HOXC9: variants seen among roughly 807,000 people sequenced by gnomAD.
The protein encoded by HOXC9 is homeobox protein Hox-C9.
HOXC9 carries 10 observed loss-of-function variants against 20.0 expected under a neutral mutation model. That is an observed-to-expected ratio of 0.50 (90% CI 0.31 to 0.85). HOXC9 has a LOEUF of 0.85. Among genes scored for constraint, HOXC9 ranks in the 40% least tolerant of loss-of-function variants. The pLI, the probability that HOXC9 is intolerant of heterozygous loss-of-function variation, is 0.05. For synonymous variants in HOXC9, 200 were observed against 163.7 expected (o/e 1.22, Z -1.69); for missense variants, 394 against 376.7 (o/e 1.05, Z -0.38).
rs781692385 is a variant in HOXC9 at position 54,002,463 on chromosome 12, C to T, written c.572C>T (p.Ser191Phe). Residue 191 changes from serine (S) to phenylalanine (F), a missense_variant, in exon 2 of 2, where the codon TCC (serine) becomes TTC (phenylalanine). Ser to Phe is a radical substitution (Grantham distance 155). Coordinates refer to ENST00000303450, the MANE Select transcript of HOXC9 (RefSeq NM_006897.3). Reference protein sequence around the residue: ...NPVANWIHARSTRKKRCPYTK... With the variant: ...NPVANWIHARFTRKKRCPYTK... ...GTGGCCAACTGGATTCACGCCCGCTCCACGAGGAAGAAGCGCTGCCCCTAC... is the reference window on the plus strand; with the variant it reads ...GTGGCCAACTGGATTCACGCCCGCTTCACGAGGAAGAAGCGCTGCCCCTAC... 1 of 1,614,084 alleles carries T rather than the reference C, an allele frequency of 6.2e-7. No homozygotes were observed. Among genetic ancestry groups the T allele is most frequent in the Admixed American group, 1.7e-5 (1 of 60,028 alleles).
intron 1 of HOXC9, among the ~76,000 whole-genome samples, chr12:54,001,268 T>G (rs1031549257): frequency 1.5e-4 from 23 of 151,966 alleles, no homozygotes; most frequent in African/African-American, 4.1e-4. Context: ...TTTCGAAGCC[T>G]GAGAACTTGG....
At position 54,000,354 on chromosome 12, in the gene HOXC9, G is replaced by C; in HGVS notation, c.166G>C (p.Ala56Pro). ...TAGCGATTTTCCGTCCTGTAGCTTC[G>C]CGCCCAAGCCGGCAGTGTTCAGCAC... is the stretch of plus-strand genomic sequence containing the variant. ...DCSDFPSCSF[A>P]PKPAVFSTSW... The change falls in exon 1 of 2, where the codon GCG becomes CCG. Residue 56 changes from alanine to proline, a missense_variant. Coordinates refer to ENST00000303450, the MANE Select transcript of HOXC9 (RefSeq NM_006897.3). The C allele has an allele frequency of 6.2e-7, 1 of 1,613,884 alleles. No homozygotes were observed. Among genetic ancestry groups the C allele is most frequent in the Non-Finnish European group, 8.5e-7 (1 of 1,180,018 alleles).
rs769856320 is a variant in HOXC9, at chr12:54,000,637, G to T, written c.449G>T (p.Arg150Leu). The change falls in exon 1 of 2, where the codon CGC becomes CTC. Residue 150 changes from arginine to leucine, a missense_variant. Arg to Leu is a moderately radical substitution (Grantham distance 102, BLOSUM62 -2). Coordinates refer to ENST00000303450, the MANE Select transcript of HOXC9 (RefSeq NM_006897.3). ...DYMYGSPGEL[R>L]DRAPQTLPSP... ...ATGTACGGCTCGCCCGGGGAGCTGC[G>T]CGACCGCGCCCCGCAGACACTGCCC... 4.5e-6 allele frequency: 7 copies of T among 1,543,310 alleles called. No individual in the cohort carries two copies. In the South Asian group the frequency reaches 7.1e-5, roughly 16 times the overall value.
In HOXC9 at chr12:54,002,960, T is replaced by C. The variant is rs1223043573; in HGVS notation, c.*286T>C. Reference sequence around the variant, plus strand: ...CAGCGCAACCGAAATAAATGACACATACAAATGTGATTTTTTTCCTCCTTT... The same window carrying C: ...CAGCGCAACCGAAATAAATGACACACACAAATGTGATTTTTTTCCTCCTTT... On this transcript the variant is annotated 3_prime_UTR_variant, in exon 2 of 2. Transcript: ENST00000303450. The C allele has an allele frequency of 3.6e-6, 1 of 274,846 alleles. No homozygotes were observed. Among genetic ancestry groups the C allele is most frequent in the African/African-American group, 2.2e-5 (1 of 45,602 alleles). The allele number at this position is 274,846 out of a possible 1,614,324, so 17.0% of individuals were successfully genotyped here.
rs1939775852 is a variant in HOXC9 at position 54,002,771 on chromosome 12, A to G, written c.*97A>G. 2.2e-6 allele frequency: 3 copies of G among 1,381,902 alleles called. No homozygotes were observed. The highest frequency in any genetic ancestry group is 2.3e-5 in the East Asian group (1 of 43,144). 85.6% of individuals were successfully genotyped at this position (1,381,902 alleles called of 1,614,324 possible). ...CGGGGGAGAGACGAAAAAGAAAAGG[A>G]AAGAGCAAGATAGACAAAAGCCAAT... On this transcript the variant is annotated 3_prime_UTR_variant, in exon 2 of 2. Coordinates refer to ENST00000303450, the MANE Select transcript of HOXC9 (RefSeq NM_006897.3).
rs902921330 is a variant in HOXC9 at position 54,000,831 on chromosome 12, A to AGAGGGGC, written c.538+112_538+118dup. ...TCCCGAACCGTGCAGGGAGCGCGGG[A>AGAGGGGC]GAGGGGCGAGGGGGCGAGGACTCAA... On this transcript the variant is annotated intron_variant, in intron 1 of 1. Coordinates refer to ENST00000303450, the MANE Select transcript of HOXC9 (RefSeq NM_006897.3). The AGAGGGGC allele has an allele frequency of 1.0e-5, 11 of 1,068,922 alleles. 1 individual carries two copies. In the African/African-American group the frequency reaches 1.2e-4, roughly 11 times the overall value. 66.2% of individuals were successfully genotyped at this position (1,068,922 alleles called of 1,614,324 possible). A position where few individuals can be genotyped will look rare whatever the true frequency, so the allele number is the denominator to read the frequency against.
rs1023157282 is a variant in HOXC9 at position 54,002,331 on chromosome 12, A to G, written c.539-99A>G. ...AATGTGTCCAAATTCAGGTTCAGTT[A>G]TTGCATTTGGGGAGCCTGGCTAAGT... On this transcript the variant is annotated intron_variant, in intron 1 of 1. Coordinates refer to ENST00000303450, the MANE Select transcript of HOXC9 (RefSeq NM_006897.3). 80 of 1,405,592 alleles carry G rather than the reference A, an allele frequency of 5.7e-5. No homozygotes were observed. The East Asian group carries it at 1.7e-3, about 30-fold the overall frequency. The allele number at this position is 1,405,592 out of a possible 1,614,324, so 87.1% of individuals were successfully genotyped here.
intron 1 of HOXC9, among the ~76,000 whole-genome samples, chr12:54,001,834 C>T (rs941950101): frequency 6.6e-6 from 1 of 152,136 alleles, no homozygotes; most frequent in African/African-American, 2.4e-5. Flanking sequence ...GGGAGCCTGT[C>T]CCCAAGGCCA....
chr12:54,002,821 G>T lies in HOXC9; in HGVS notation c.*147G>T. On this transcript the variant is annotated 3_prime_UTR_variant, in exon 2 of 2. Coordinates refer to ENST00000303450, the MANE Select transcript of HOXC9 (RefSeq NM_006897.3). ...TCAGCTTAAAAAGAAAAACAAGGAA[G>T]GGGAAAAGAAAACTCTTGCGATTTG... The T allele has an allele frequency of 1.1e-6, 1 of 934,518 alleles. No individual in the cohort carries two copies. Among genetic ancestry groups the T allele is most frequent in the Non-Finnish European group, 1.5e-6 (1 of 647,718 alleles). 57.9% of individuals were successfully genotyped at this position (934,518 alleles called of 1,614,324 possible). A position where few individuals can be genotyped will look rare whatever the true frequency, so the allele number is the denominator to read the frequency against.
chr12:54,002,727 C>G lies in HOXC9; in HGVS notation c.*53C>G. ...AGCCAAGGGAAAAACAAAAACCCCACAAAATACCCCAACACAGGCGGGGGA... is the reference window on the plus strand; with the variant it reads ...AGCCAAGGGAAAAACAAAAACCCCAGAAAATACCCCAACACAGGCGGGGGA... On this transcript the variant is annotated 3_prime_UTR_variant, in exon 2 of 2. Transcript: ENST00000303450. 1.3e-6 allele frequency: 2 copies of G among 1,550,302 alleles called. No individual in the cohort carries two copies. Among genetic ancestry groups the G allele is most frequent in the Non-Finnish European group, 8.7e-7 (1 of 1,147,376 alleles).
rs200358721 is a variant in HOXC9 at position 54,000,490 on chromosome 12, C to T, written c.302C>T (p.Ser101Phe). Residue 101 changes from serine (S) to phenylalanine (F), a missense_variant, in exon 1 of 2, where the codon TCC becomes TTC. Coordinates refer to ENST00000303450, the MANE Select transcript of HOXC9 (RefSeq NM_006897.3). Reference sequence around the variant, plus strand: ...ATGCGGACTTGGCTCGAGCCGCTGTCCGGCGCCGTCTCCTTCCCCAGCTTC... The same window carrying T: ...ATGCGGACTTGGCTCGAGCCGCTGTTCGGCGCCGTCTCCTTCCCCAGCTTC... Reference protein sequence around the residue: ...RYMRTWLEPLSGAVSFPSFPA... With the variant: ...RYMRTWLEPLFGAVSFPSFPA... 10 of 1,599,812 alleles carry T rather than the reference C, an allele frequency of 6.3e-6. No homozygotes were observed. The highest frequency in any genetic ancestry group is 2.2e-5 in the East Asian group (1 of 44,776).
intron 1 of HOXC9, 39 bp downstream of exon 1, chr12:54,000,765 A>T: frequency 4.3e-5 from 53 of 1,234,904 alleles, no homozygotes; most frequent in Non-Finnish European, 5.3e-5. Context: ...CCGGCGCGGG[A>T]GGGGAGGGGA....
In HOXC9 at chr12:54,002,746, C is replaced by A; in HGVS notation, c.*72C>A. On this transcript the variant is annotated 3_prime_UTR_variant, in exon 2 of 2. Transcript: ENST00000303450. ...ACCCCACAAAATACCCCAACACAGG[C>A]GGGGGAGAGACGAAAAAGAAAAGGA... 2.0e-6 allele frequency: 3 copies of A among 1,473,578 alleles called. No individual in the cohort carries two copies. Among genetic ancestry groups the A allele is most frequent in the Non-Finnish European group, 2.7e-6 (3 of 1,094,636 alleles). 91.3% of individuals were successfully genotyped at this position (1,473,578 alleles called of 1,614,324 possible). A position where few individuals can be genotyped will look rare whatever the true frequency, so the allele number is the denominator to read the frequency against.
rs761108661 is a variant in HOXC9 at position 54,002,686 on chromosome 12, C to T, written c.*12C>T. 11 of 1,602,454 alleles carry T rather than the reference C, an allele frequency of 6.9e-6. No homozygotes were observed. The Admixed American group carries it at 1.5e-4, about 22-fold the overall frequency. ...AGGAGCAGTCCTAAACCCTACCCAGCCTGCTGCCTCAGCACAGCCAAGGGA... is the reference window on the plus strand; with the variant it reads ...AGGAGCAGTCCTAAACCCTACCCAGTCTGCTGCCTCAGCACAGCCAAGGGA... On this transcript the variant is annotated 3_prime_UTR_variant, in exon 2 of 2. Transcript: ENST00000303450.
In HOXC9 at chr12:54,000,305, A is replaced by T. The variant is rs1452819227; in HGVS notation, c.117A>T (p.Arg39Ser). The T allele has an allele frequency of 6.2e-7, 1 of 1,614,106 alleles. No homozygotes were observed. Among genetic ancestry groups the T allele is most frequent in the Non-Finnish European group, 8.5e-7 (1 of 1,180,036 alleles). Residue 39 changes from arginine (R) to serine (S), a missense_variant, in exon 1 of 2, where the codon AGA becomes AGT. Coordinates refer to ENST00000303450, the MANE Select transcript of HOXC9 (RefSeq NM_006897.3). ...CCGGGGCTCATCCCGCCGCCGCCAG[A>T]CCCAGCGGTTTGGTGCCGGACTGTA... ...PATGAHPAAARPSGLVPDCSD... is the reference protein window; with the variant it reads ...PATGAHPAAASPSGLVPDCSD...
Position 54,002,460 on chromosome 12 carries a change from G to T in HOXC9, c.569G>T (p.Arg190Leu). ...CCCGTGGCCAACTGGATTCACGCCC[G>T]CTCCACGAGGAAGAAGCGCTGCCCC... Reference protein sequence around the residue: ...SNPVANWIHARSTRKKRCPYT... With the variant: ...SNPVANWIHALSTRKKRCPYT... Residue 190 changes from arginine to leucine, a missense_variant, in exon 2 of 2, where the codon CGC becomes CTC. Transcript: ENST00000303450. 1 of 1,614,048 alleles carries T rather than the reference G, an allele frequency of 6.2e-7. No individual in the cohort carries two copies. The highest frequency in any genetic ancestry group is 8.5e-7 in the Non-Finnish European group (1 of 1,179,986).
intron 1 of HOXC9, among the ~76,000 whole-genome samples, chr12:54,001,510 C>G (rs889451041): frequency 2.3e-4 from 34 of 150,742 alleles, no homozygotes; most frequent in South Asian, 8.4e-4. Context: ...GAGGATTGCA[C>G]AGGAGGGCTA....
At chr12:54,002,067 G>A (rs1939758351) in intron 1 of HOXC9, among the ~76,000 whole-genome samples, 2 of 152,018 alleles carry the variant, frequency 1.3e-5, no homozygotes, top group South Asian at 4.1e-4. Context: ...GGAGGAGAGA[G>A]ACCTTGCTAT....
At position 54,000,263 on chromosome 12, in the gene HOXC9, G is replaced by A. The variant is rs768216253; in HGVS notation, c.75G>A (p.Ala25=). 16 of 1,614,018 alleles carry A rather than the reference G, an allele frequency of 9.9e-6. No individual in the cohort carries two copies. The highest frequency in any genetic ancestry group is 4.0e-5 in the African/African-American group (3 of 74,932). Reference sequence around the variant, plus strand: ...CTCACGACAATGAAGACCTCCTAGCGTCCAGGTTTCCGGCCACCGGGGCTC... The same window carrying A: ...CTCACGACAATGAAGACCTCCTAGCATCCAGGTTTCCGGCCACCGGGGCTC... ...LISHDNEDLL[A]SRFPATGAHP... The change falls in exon 1 of 2, where the codon GCG becomes GCA. Residue 25 remains alanine, a synonymous_variant. Coordinates refer to ENST00000303450, the MANE Select transcript of HOXC9 (RefSeq NM_006897.3).
Sources: allele counts gnomAD v4.1 joint callset (sites outside exome capture counted in the v4.1 genomes callset), GRCh38; gene constraint gnomAD v4.1.1; transcripts MANE v1.5; gene names NCBI Gene and HGNC (gene_info 2026-07-23, HGNC 2026-07-21).